GCFC2: variants seen among roughly 807,000 people sequenced by gnomAD.
GCFC2 encodes the protein GC-rich sequence DNA-binding factor 2, also known as intron Large complex component GCFC2.
GCFC2 carries 102 observed loss-of-function variants against 99.4 expected under a neutral mutation model. That is an observed-to-expected ratio of 1.03 (90% CI 0.87 to 1.21). GCFC2 has a LOEUF of 1.21. Ranked by LOEUF, GCFC2 falls within the 50% of genes most tolerant of loss-of-function variation. The pLI, the probability that GCFC2 is intolerant of heterozygous loss-of-function variation, is 0.00. For synonymous variants in GCFC2, 338 were observed against 316.8 expected (o/e 1.07, Z -0.71); for missense variants, 973 against 920.9 (o/e 1.06, Z -0.73).
upstream of GCFC2, among the ~76,000 whole-genome samples, chr2:75,712,179 A>G (rs569465011): frequency 1.8e-4 from 21 of 116,370 alleles, no homozygotes; most frequent in East Asian, 9.5e-4. Flanking sequence ...GAGTGCACCA[A>G]TCGACACTCT....
At chr2:75,708,560 AG>A (rs1191451003) in intron 1 of GCFC2, among the ~76,000 whole-genome samples, 2 of 124,106 alleles carry the variant, frequency 1.6e-5, no homozygotes, top group Admixed American at 1.1e-4. Flanking sequence ...CACCCAGGCT[AG>A]AGTGTAGTGG....
At chr2:75,710,920 G>A (rs1028041845), upstream of GCFC2, 28 of 1,403,782 alleles carry the variant, frequency 2.0e-5, no homozygotes, top group Non-Finnish European at 2.5e-5. Flanking sequence ...TTCAGTGCCC[G>A]CCCCCTAGGG....
rs374009449 is a variant in GCFC2 at position 75,692,109 on chromosome 2, C to G, written c.1021-9G>C. 1.4e-6 allele frequency: 2 copies of G among 1,380,688 alleles called. No homozygotes were observed. The allele number at this position is 1,380,688 out of a possible 1,614,324, so 85.5% of individuals were successfully genotyped here. On this transcript the variant is annotated splice_polypyrimidine_tract_variant and intron_variant, in intron 6 of 16. Coordinates refer to ENST00000321027, the MANE Select transcript of GCFC2 (RefSeq NM_003203.5). The stretch of plus-strand genomic sequence containing the variant: ...TCTTGGATGTTGATAATCTGAAATA[C>G]ACATATAAGTAACATTTTGCAGGTC...
chr2:75,667,525 T>G (rs1291144132), intron 15 of GCFC2, among the ~76,000 whole-genome samples: 1 of 152,078 alleles, frequency 6.6e-6, no homozygotes, highest in African/African-American at 2.4e-5. Flanking sequence ...GTTTCAACTA[T>G]TCAGGAAAAA....
At chr2:75,694,582 C>A in intron 5 of GCFC2, 155 bp from the exon 6 acceptor site, 2 of 378,402 alleles carry the variant, frequency 5.3e-6, no homozygotes, top group Non-Finnish European at 9.3e-6. Context: ...TAAAAGGAAA[C>A]CCTTTAGCAC....
At chr2:75,668,610 C>A (rs954494114) in intron 15 of GCFC2, among the ~76,000 whole-genome samples, 1 of 152,072 alleles carries the variant, frequency 6.6e-6, no homozygotes, top group African/African-American at 2.4e-5. Flanking sequence ...CTTTTGTGAA[C>A]CCAAAAGTAT....
At chr2:75,679,043 A>G (rs917811614) in intron 12 of GCFC2, among the ~76,000 whole-genome samples, 1 of 151,990 alleles carries the variant, frequency 6.6e-6, no homozygotes, top group African/African-American at 2.4e-5. Context: ...TGACAGGTAC[A>G]AGACCTTACA....
intron 1 of GCFC2, among the ~76,000 whole-genome samples, chr2:75,707,583 TC>T (rs1228879889): frequency 6.6e-6 from 1 of 152,110 alleles, no homozygotes; most frequent in African/African-American, 2.4e-5. Context: ...TAGCTGCAGC[TC>T]ACATCTTTCT....
intron 12 of GCFC2, among the ~76,000 whole-genome samples, 172 bp downstream of exon 12, chr2:75,680,021 A>T (rs1679499856): frequency 6.6e-6 from 1 of 152,082 alleles, no homozygotes; most frequent in Admixed American, 6.5e-5. Flanking sequence ...TTTTTTTTTC[A>T]TCTCAGTGCA....
chr2:75,676,311 T>A (rs894035363), intron 12 of GCFC2, among the ~76,000 whole-genome samples: 1 of 152,302 alleles, frequency 6.6e-6, no homozygotes, highest in African/African-American at 2.4e-5. Context: ...CCCATAACTT[T>A]GGACTATTAG....
Position 75,664,660 on chromosome 2 carries a change from G to A in GCFC2, c.*6C>T, listed in dbSNP as rs778613764. ...TAAAATTTTAGCATTTTCCAATAAA[G>A]TTTATTCAATCTTCTTTAATTAGTG... On this transcript the variant is annotated 3_prime_UTR_variant, in exon 17 of 17. Transcript: ENST00000321027. 12 of 1,218,758 alleles carry A rather than the reference G, an allele frequency of 9.8e-6. No homozygotes were observed. In the African/African-American group the frequency reaches 1.1e-4, roughly 11 times the overall value. The allele number at this position is 1,218,758 out of a possible 1,614,324, so 75.5% of individuals were successfully genotyped here.
intron 4 of GCFC2, among the ~76,000 whole-genome samples, chr2:75,699,069 G>C (rs1243232194): frequency 2.6e-5 from 4 of 151,604 alleles, no homozygotes; most frequent in Non-Finnish European, 4.4e-5. Flanking sequence ...TATTTGTGGA[G>C]CTGGGTTTTG....
At chr2:75,712,266 C>T (rs1201809990), upstream of GCFC2, among the ~76,000 whole-genome samples, 1 of 116,680 alleles carries the variant, frequency 8.6e-6, no homozygotes, top group Non-Finnish European at 2.1e-5. Context: ...AATCGGCACT[C>T]TGTATCTAGC....
chr2:75,693,454 T>C (rs796751078), intron 6 of GCFC2, among the ~76,000 whole-genome samples: 7 of 151,702 alleles, frequency 4.6e-5, no homozygotes, highest in African/African-American at 1.7e-4. Flanking sequence ...ACTAGAAAAA[T>C]AAATAAAATA....
intron 13 of GCFC2, 132 bp downstream of exon 13, chr2:75,673,312 G>GA (rs377679443): frequency 0.11 from 47,672 of 443,580 alleles, 7 homozygotes; most frequent in South Asian, 0.14. Context: ...AGTCTCAAAA[G>GA]AAAAAAAAAA....
intron 2 of GCFC2, among the ~76,000 whole-genome samples, chr2:75,702,988 C>A (rs531076494): frequency 6.6e-6 from 1 of 152,082 alleles, no homozygotes; most frequent in Admixed American, 6.6e-5. Context: ...GTGAGCCCCA[C>A]GTGAATAAAC....
At chr2:75,704,638 C>T (rs1680752945) in intron 2 of GCFC2, among the ~76,000 whole-genome samples, 1 of 152,240 alleles carries the variant, frequency 6.6e-6, no homozygotes, top group Admixed American at 6.5e-5. Context: ...GGCAGTGCTG[C>T]CAACACTTTA....
intron 15 of GCFC2, among the ~76,000 whole-genome samples, chr2:75,669,734 G>A (rs1379607291): frequency 1.3e-5 from 2 of 151,828 alleles, no homozygotes; most frequent in Non-Finnish European, 2.9e-5. Context: ...AAATTCATTT[G>A]TCAATTTTTT....
Position 75,702,179 on chromosome 2 carries a change from A to G in GCFC2, c.619+20T>C, listed in dbSNP as rs757152830. ...TCTAATAAAAAATATCCTAATCTTC[A>G]TATATTGGTAAATCCATACTTGATT... is the stretch of plus-strand genomic sequence containing the variant. On this transcript the variant is annotated intron_variant, in intron 3 of 16. Transcript: ENST00000321027. 6.3e-7 allele frequency: 1 copy of G among 1,594,012 alleles called. No individual in the cohort carries two copies. Among genetic ancestry groups the G allele is most frequent in the Non-Finnish European group, 8.6e-7 (1 of 1,164,262 alleles).
Sources: gnomAD v4.1 joint callset for allele counts (sites outside exome capture counted in the v4.1 genomes callset) on GRCh38, gnomAD v4.1.1 for gene constraint, MANE v1.5 for transcripts, NCBI Gene and HGNC (gene_info 2026-07-23, HGNC 2026-07-21) for gene names.